COL4A6: variants seen among roughly 807,000 people sequenced by gnomAD.
COL4A6 encodes the protein collagen type IV alpha 6 chain.
COL4A6 carries 59 observed loss-of-function variants against 126.7 expected under a neutral mutation model. The ratio of observed to expected loss-of-function variants is 0.47; its 90% CI spans 0.38 to 0.58. The LOEUF (loss-of-function observed/expected upper bound fraction) is 0.58. COL4A6 is among the 20% of genes least tolerant of loss of function. The pLI, the probability that COL4A6 is intolerant of heterozygous loss-of-function variation, is 0.00. For missense variants in COL4A6, 1,285 were observed against 1,337.3 expected, an observed-to-expected ratio of 0.96 and a Z score of 0.61; for synonymous variants, 547 against 496.6, an observed-to-expected ratio of 1.10 and a Z score of -1.35.
At chrX:108,336,046 T>C (rs1388683343) in intron 2 of COL4A6, among the ~76,000 whole-genome samples, 3 of 111,875 alleles carry the variant, frequency 2.7e-5, no homozygotes, top group Non-Finnish European at 5.7e-5. Context: ...CCCTTGTTTT[T>C]AAGTAATATG....
chrX:108,260,572 C>T (rs868690135), intron 3 of COL4A6, among the ~76,000 whole-genome samples: 1 of 111,060 alleles, frequency 9.0e-6, no homozygotes, highest in Middle Eastern at 4.6e-3. Context: ...TTGTCTGCCA[C>T]CATGTGAGAT....
chrX:108,267,170 C>A (rs769727033), intron 3 of COL4A6, among the ~76,000 whole-genome samples: 1 of 111,691 alleles, frequency 9.0e-6, no homozygotes, highest in Admixed American at 9.5e-5. Flanking sequence ...TCAAAGCCAG[C>A]ACCATCAGGG....
chrX:108,177,203 A>G (rs935620806), intron 27 of COL4A6, among the ~76,000 whole-genome samples, 192 bp from the exon 28 acceptor site: 1 of 112,640 alleles, frequency 8.9e-6, no homozygotes, highest in African/African-American at 3.2e-5. Flanking sequence ...TCTACTACCC[A>G]GAGTGCCACG....
chrX:108,312,166 A>G (rs745536063), intron 2 of COL4A6, among the ~76,000 whole-genome samples: 25 of 112,263 alleles, frequency 2.2e-4, no homozygotes, highest in Non-Finnish European at 4.7e-4. Context: ...AGAAAGGCAT[A>G]TTTATGAGCT....
intron 2 of COL4A6, among the ~76,000 whole-genome samples, chrX:108,409,045 G>C (rs748001062): frequency 1.3e-4 from 15 of 112,383 alleles, no homozygotes; most frequent in Non-Finnish European, 2.6e-4. Flanking sequence ...TACAAAAGGG[G>C]TATGTTGCTG....
At chrX:108,269,007 T>A (rs768050063) in intron 3 of COL4A6, 16 of 313,443 alleles carry the variant, frequency 5.1e-5, no homozygotes, top group South Asian at 8.6e-5. Context: ...CAGTCTTCCA[T>A]AGAAGTATGG....
chrX:108,435,631 T>A (rs1253204027), intron 2 of COL4A6, among the ~76,000 whole-genome samples: 4 of 112,162 alleles, frequency 3.6e-5, no homozygotes, highest in Non-Finnish European at 7.5e-5. Flanking sequence ...AGATCATTAC[T>A]CCTTTAAAGT....
In COL4A6 at chrX:108,156,586, T is replaced by C. The variant is rs2033745278; in HGVS notation, c.*414A>G. On this transcript the variant is annotated 3_prime_UTR_variant, in exon 45 of 45. Coordinates refer to ENST00000334504, the MANE Select transcript of COL4A6 (RefSeq NM_033641.4). Reference sequence around the variant, plus strand: ...TTAGAGAATTTAAGTGTGGAAACACTGGGTTCTGGTTTAAGCCAAATAATG... The same window carrying C: ...TTAGAGAATTTAAGTGTGGAAACACCGGGTTCTGGTTTAAGCCAAATAATG... The C allele has an allele frequency of 6.6e-6, 1 of 150,575 alleles. No individual in the cohort carries two copies. The highest frequency in any genetic ancestry group is 2.4e-4 in the South Asian group (1 of 4,215). 12.4% of individuals were successfully genotyped at this position (150,575 alleles called of 1,213,427 possible).
chrX:108,321,683 A>T (rs2039034485), intron 2 of COL4A6, among the ~76,000 whole-genome samples: 1 of 111,278 alleles, frequency 9.0e-6, no homozygotes, highest in African/African-American at 3.3e-5. Flanking sequence ...CATCTAAAAG[A>T]GAAAAATAAT....
At chrX:108,237,081 T>C (rs2036446385) in intron 3 of COL4A6, among the ~76,000 whole-genome samples, 2 of 111,492 alleles carry the variant, frequency 1.8e-5, no homozygotes, top group African/African-American at 6.5e-5. Flanking sequence ...ATGCCACTCT[T>C]ATTAGACCCT....
At chrX:108,422,679 C>T in intron 2 of COL4A6, among the ~76,000 whole-genome samples, 1 of 111,874 alleles carries the variant, frequency 8.9e-6, no homozygotes, top group East Asian at 2.8e-4. Context: ...ACTCTGAAAA[C>T]TAAAAGTCCA....
Position 108,174,596 on chromosome X carries a change from A to G in COL4A6, c.2982T>C (p.Pro994=). Reference sequence around the variant, plus strand: ...GAGCTCCAGGTAGGCCTGGTGGTCCAGGTCGACCAGCCTCTCCTTTGTCAC... The same window carrying G: ...GAGCTCCAGGTAGGCCTGGTGGTCCGGGTCGACCAGCCTCTCCTTTGTCAC... ...PRGDKGEAGR[P]GPPGLPGAPG... Residue 994 remains proline, a synonymous_variant, in exon 31 of 45, where the codon CCT becomes CCC. Transcript: ENST00000334504. 1 of 1,180,210 alleles carries G rather than the reference A, an allele frequency of 8.5e-7. No individual in the cohort carries two copies. The highest frequency in any genetic ancestry group is 1.1e-6 in the Non-Finnish European group (1 of 883,460).
intron 2 of COL4A6, among the ~76,000 whole-genome samples, chrX:108,393,307 G>T (rs1358227203): frequency 8.9e-6 from 1 of 112,191 alleles, no homozygotes; most frequent in Non-Finnish European, 1.9e-5. Flanking sequence ...ACCATAAAAA[G>T]GAATAAAGTA....
chrX:108,163,514 G>A (rs1227453196), intron 40 of COL4A6: 1 of 115,691 alleles, frequency 8.6e-6, no homozygotes, highest in East Asian at 2.7e-4. Flanking sequence ...GTAAGTCATT[G>A]AACAAATATT....
At chrX:108,249,257 T>G (rs2036790303) in intron 3 of COL4A6, among the ~76,000 whole-genome samples, 1 of 111,006 alleles carries the variant, frequency 9.0e-6, no homozygotes, top group Non-Finnish European at 1.9e-5. Flanking sequence ...AGTACAGTGC[T>G]GGAACAAGTG....
intron 2 of COL4A6, among the ~76,000 whole-genome samples, chrX:108,377,582 T>C (rs1422736973): frequency 9.6e-6 from 1 of 104,698 alleles, no homozygotes; most frequent in African/African-American, 3.7e-5. Context: ...TAAGTATTTA[T>C]TGATCATTCT....
intron 2 of COL4A6, among the ~76,000 whole-genome samples, chrX:108,325,852 G>T (rs2039144544): frequency 1.9e-5 from 2 of 107,752 alleles, no homozygotes; most frequent in Non-Finnish European, 3.8e-5. Context: ...TGCAGAAAAA[G>T]AATTTGAGAA....
At chrX:108,391,516 A>T (rs1319042379) in intron 2 of COL4A6, among the ~76,000 whole-genome samples, 1 of 111,420 alleles carries the variant, frequency 9.0e-6, no homozygotes, top group Non-Finnish European at 1.9e-5. Flanking sequence ...AAGCCTCGGC[A>T]ATGGCAGAAG....
chrX:108,179,952 T>C, intron 25 of COL4A6, among the ~76,000 whole-genome samples: 1 of 109,471 alleles, frequency 9.1e-6, no homozygotes. Flanking sequence ...GATCAGCAGA[T>C]CCTGTGGAGA....
Sources: allele counts gnomAD v4.1 joint callset (sites outside exome capture counted in the v4.1 genomes callset), GRCh38; gene constraint gnomAD v4.1.1; transcripts MANE v1.5; gene names NCBI Gene and HGNC (gene_info 2026-07-23, HGNC 2026-07-21).